Variants in ADGRE5 observed in about 807,000 individuals in gnomAD.
ADGRE5 encodes adhesion G protein-coupled receptor E5, also known as CD97 molecule.
In ADGRE5, 72 loss-of-function variants were observed where a neutral mutation model predicts 100.3. That is an observed-to-expected ratio of 0.72 (90% CI 0.59 to 0.87). The LOEUF is 0.87. ADGRE5 is among the 40% of genes least tolerant of loss of function. The pLI is 0.00. For missense variants in ADGRE5, 959 were observed against 1,094.7 expected (o/e 0.88, Z 1.75); for synonymous variants, 439 against 447.8 (o/e 0.98, Z 0.25).
intron 18 of ADGRE5, 27 bp from the exon 19 acceptor site, chr19:14,407,881 G>T: frequency 6.2e-7 from 1 of 1,603,528 alleles, no homozygotes; most frequent in Non-Finnish European, 8.5e-7. Flanking sequence ...GCCTGCTCCT[G>T]CCCTGACTTG....
At chr19:14,404,021 G>A (rs944469274) in intron 12 of ADGRE5, among the ~76,000 whole-genome samples, 2 of 151,998 alleles carry the variant, frequency 1.3e-5, no homozygotes, top group Admixed American at 1.3e-4. Flanking sequence ...GGATTTACAG[G>A]TGCTTGCCAC....
Position 14,404,494 on chromosome 19 carries a change from G to A in ADGRE5, c.1561G>A (p.Gly521Ser), listed in dbSNP as rs762530194. 9.3e-6 allele frequency: 15 copies of A among 1,612,008 alleles called. No homozygotes were observed. The highest frequency in any genetic ancestry group is 7.7e-5 in the South Asian group (7 of 90,992). Reference protein sequence around the residue: ...EGCQVLGSKNGSTTCQCSHLS... With the variant: ...EGCQVLGSKNSSTTCQCSHLS... ...CTGCCAGGTGCTGGGCAGCAAGAAC[G>A]GCAGCACCACCTGCCAATGCAGCCA... is the stretch of plus-strand genomic sequence containing the variant. The change falls in exon 13 of 20, where the codon GGC becomes AGC. Residue 521 changes from glycine to serine, a missense_variant. Gly to Ser is a moderately conservative substitution (Grantham distance 56). Coordinates refer to ENST00000242786, the MANE Select transcript of ADGRE5 (RefSeq NM_078481.4).
chr19:14,407,707 A>T (rs1003814635), intron 18 of ADGRE5, among the ~76,000 whole-genome samples: 1 of 150,862 alleles, frequency 6.6e-6, no homozygotes, highest in African/African-American at 2.4e-5. Context: ...GGGCAAGAGG[A>T]TCACTTGGGC....
At chr19:14,384,839 CCT>C (rs1975278830) in intron 1 of ADGRE5, among the ~76,000 whole-genome samples, 1 of 151,544 alleles carries the variant, frequency 6.6e-6, no homozygotes, top group African/African-American at 2.4e-5. Context: ...GTCTCTGTCT[CCT>C]CTGTCTTATA....
chr19:14,393,375 C>T (rs1975668842), intron 4 of ADGRE5, among the ~76,000 whole-genome samples: 1 of 152,210 alleles, frequency 6.6e-6, no homozygotes, highest in Admixed American at 6.5e-5. Context: ...AGGCCACAGC[C>T]TTTGCTATGG....
chr19:14,384,463 T>G (rs1458906376), intron 1 of ADGRE5, among the ~76,000 whole-genome samples: 1 of 152,172 alleles, frequency 6.6e-6, no homozygotes, highest in Non-Finnish European at 1.5e-5. Context: ...AAGTGACTCA[T>G]GCCCAGCCGT....
chr19:14,401,724 C>A lies in ADGRE5; in HGVS notation c.1147C>A (p.Leu383Met). The change falls in exon 11 of 20, where the codon CTG (leucine) becomes ATG (methionine). Residue 383 changes from leucine (L) to methionine (M), a missense_variant. By Grantham distance (15) the Leu-to-Met change is conservative (BLOSUM62 2). Around this residue, in one of 6 missense-constraint regions of ADGRE5, gnomAD observed 246 missense variants for 242.2 expected, o/e 1.02. Coordinates refer to ENST00000242786, the MANE Select transcript of ADGRE5 (RefSeq NM_078481.4). The surrounding 1 kb of genome is among the most constrained non-coding windows in gnomAD (Gnocchi z 4.1). ...GGGTCAGAGCAGCGCACGCATGAAG[C>A]TGAATTGGGCTGTGGCAGCTGGAGC... ...TMGQSSARMK[L>M]NWAVAAGAED... 1 of 1,569,010 alleles carries A rather than the reference C, an allele frequency of 6.4e-7. No individual in the cohort carries two copies. Among genetic ancestry groups the A allele is most frequent in the Non-Finnish European group, 8.6e-7 (1 of 1,158,210 alleles).
intron 4 of ADGRE5, among the ~76,000 whole-genome samples, chr19:14,394,899 T>A (rs1308410810): frequency 6.6e-6 from 1 of 152,086 alleles, no homozygotes; most frequent in Non-Finnish European, 1.5e-5. Context: ...CATCCAAGGC[T>A]CCACCCTAAC....
chr19:14,389,363 A>C (rs1379712973), intron 3 of ADGRE5, among the ~76,000 whole-genome samples: 1 of 18,302 alleles, frequency 5.5e-5, no homozygotes, highest in Non-Finnish European at 8.9e-5. Flanking sequence ...GAGGGGGATG[A>C]GGAGGGAGAC....
intron 1 of ADGRE5, among the ~76,000 whole-genome samples, chr19:14,385,092 C>T (rs1975298276): frequency 6.9e-6 from 1 of 145,046 alleles, no homozygotes; most frequent in Admixed American, 7.1e-5. Context: ...CTCACTGCAA[C>T]CTCTGCCTTC....
rs752042321 is a variant in ADGRE5, at chr19:14,402,735, G to A, written c.1322G>A (p.Arg441His). The change falls in exon 12 of 20, where the codon CGC (arginine) becomes CAC (histidine). Residue 441 changes from arginine (R) to histidine (H), a missense_variant. Arg to His is a conservative substitution (Grantham distance 29, BLOSUM62 0). Coordinates refer to ENST00000242786, the MANE Select transcript of ADGRE5 (RefSeq NM_078481.4). ...AGCATCCGTGGTGTCCAACTCAGAC[G>A]CCTCTCTGCCGTCAACTCCATCTTT... ...ESSIRGVQLRRLSAVNSIFLS... is the reference protein window; with the variant it reads ...ESSIRGVQLRHLSAVNSIFLS... The A allele has an allele frequency of 2.6e-5, 42 of 1,614,000 alleles. No individual in the cohort carries two copies. The highest frequency in any genetic ancestry group is 2.3e-4 in the African/African-American group (17 of 74,916).
At chr19:14,383,323 G>A (rs1975227069) in intron 1 of ADGRE5, among the ~76,000 whole-genome samples, 1 of 151,990 alleles carries the variant, frequency 6.6e-6, no homozygotes, top group Non-Finnish European at 1.5e-5. Flanking sequence ...TGGCCAACAT[G>A]GTGAAACTCT....
chr19:14,382,843 A>C (rs1476498392), intron 1 of ADGRE5, among the ~76,000 whole-genome samples: 4 of 151,388 alleles, frequency 2.6e-5, no homozygotes. Context: ...ATCCACCCCG[A>C]GTAGCTGGGA....
At chr19:14,408,047 G>A (rs746115287) in intron 19 of ADGRE5, 38 bp downstream of exon 19, 3 of 1,614,074 alleles carry the variant, frequency 1.9e-6, no homozygotes, top group East Asian at 2.2e-5. Flanking sequence ...GGGCAGGAAG[G>A]CACCAGGGCT....
chr19:14,388,384 A>G (rs1975435428), intron 1 of ADGRE5, 66 bp from the exon 2 acceptor site: 3 of 1,478,196 alleles, frequency 2.0e-6, no homozygotes, highest in South Asian at 1.3e-5. Flanking sequence ...CACAAAGTGC[A>G]TCACCCTTAC....
Position 14,402,737 on chromosome 19 carries a change from C to G in ADGRE5, c.1324C>G (p.Leu442Val), listed in dbSNP as rs755596827. The change falls in exon 12 of 20, where the codon CTC becomes GTC. Residue 442 changes from leucine (L) to valine (V), a missense_variant. Transcript: ENST00000242786. Reference sequence around the variant, plus strand: ...CATCCGTGGTGTCCAACTCAGACGCCTCTCTGCCGTCAACTCCATCTTTCT... The same window carrying G: ...CATCCGTGGTGTCCAACTCAGACGCGTCTCTGCCGTCAACTCCATCTTTCT... Reference protein sequence around the residue: ...SSIRGVQLRRLSAVNSIFLSH... With the variant: ...SSIRGVQLRRVSAVNSIFLSH... 1 of 1,614,040 alleles carries G rather than the reference C, an allele frequency of 6.2e-7. No individual in the cohort carries two copies. The highest frequency in any genetic ancestry group is 8.5e-7 in the Non-Finnish European group (1 of 1,180,042).
chr19:14,404,693 C>A, intron 13 of ADGRE5, 131 bp downstream of exon 13: 1 of 812,828 alleles, frequency 1.2e-6, no homozygotes, highest in Non-Finnish European at 1.9e-6. Flanking sequence ...GCCCAGGTGT[C>A]CCCACGTCAC....
In ADGRE5 at chr19:14,390,976, C is replaced by T; in HGVS notation, c.243C>T (p.Asp81=). Residue 81 remains aspartate, a synonymous_variant, in exon 4 of 20, where the codon GAC becomes GAT. Transcript: ENST00000242786. The part of the protein sequence containing the change: ...PSKVSCGKFS[D]CWNTEGSYDC... ...AAGTGTCATGCGGAAAATTCTCGGA[C>T]TGCTGGAACACAGAGGGGAGCTACG... is the stretch of plus-strand genomic sequence containing the variant. 1.2e-6 allele frequency: 2 copies of T among 1,614,222 alleles called. No homozygotes were observed. Among genetic ancestry groups the T allele is most frequent in the Non-Finnish European group, 8.5e-7 (1 of 1,180,046 alleles).
chr19:14,396,963 G>T (rs1975803211), intron 5 of ADGRE5, 114 bp from the exon 6 acceptor site: 1 of 1,316,832 alleles, frequency 7.6e-7, no homozygotes, highest in African/African-American at 1.5e-5. Flanking sequence ...GGCGGCATGT[G>T]CAATAATGGT....
Sources: gnomAD v4.1 joint callset for allele counts (sites outside exome capture counted in the v4.1 genomes callset) on GRCh38, gnomAD v4.1.1 for gene constraint, gnomAD v4.1.1 regional missense constraint, Gnocchi (gnomAD v3.1) non-coding constraint, MANE v1.5 for transcripts, NCBI Gene and HGNC (gene_info 2026-07-23, HGNC 2026-07-21) for gene names.